The following BDH2 variants were observed in gnomAD, a reference collection of about 807,000 sequenced individuals.
BDH2 encodes dehydrogenase/reductase SDR family member 6.
Under a neutral mutation model 33.2 loss-of-function variants are expected in BDH2, and 24 were observed. The observed-to-expected ratio is 0.72, with a 90% CI of 0.52 to 1.02. BDH2 has a LOEUF of 1.02. BDH2 is among the 50% of genes least tolerant of loss of function. The pLI is 0.00. For synonymous variants in BDH2, 81 were observed against 101.6 expected (o/e 0.80, Z 1.22); for missense variants, 249 against 301.6 (o/e 0.83, Z 1.29).
chr4:103,088,608 T>C (rs994384593), intron 5 of BDH2, among the ~76,000 whole-genome samples: 2 of 152,154 alleles, frequency 1.3e-5, no homozygotes, highest in African/African-American at 4.8e-5. Context: ...GGCATGACTA[T>C]AAAGTCAAGT....
Position 103,079,685 on chromosome 4 carries a change from C to T in BDH2, c.*17G>A. 5.6e-6 allele frequency: 9 copies of T among 1,612,788 alleles called. No homozygotes were observed. The highest frequency in any genetic ancestry group is 1.1e-5 in the South Asian group (1 of 91,036). On this transcript the variant is annotated 3_prime_UTR_variant, in exon 10 of 10. Coordinates refer to ENST00000296424, the MANE Select transcript of BDH2 (RefSeq NM_020139.4). Reference sequence around the variant, plus strand: ...TAGGAAGGGCCTGCCTTCCTTCCCACCATGGAGATCCTAAAATCACAAGCT... The same window carrying T: ...TAGGAAGGGCCTGCCTTCCTTCCCATCATGGAGATCCTAAAATCACAAGCT...
rs964513187 is a variant in BDH2 at position 103,091,245 on chromosome 4, C to T, written c.289G>A (p.Asp97Asn). ...HGTVLDCEEK[D>N]WDFSMNLNVR... ...TTGAGATTCATCGAGAAGTCCCAGT[C>T]TTTCTCCTCACAATCCAGGACAGTT... The change falls in exon 5 of 10, where the codon GAC becomes AAC. Residue 97 changes from aspartate to asparagine, a missense_variant. Coordinates refer to ENST00000296424, the MANE Select transcript of BDH2 (RefSeq NM_020139.4). 8.7e-6 allele frequency: 14 copies of T among 1,613,492 alleles called. No individual in the cohort carries two copies. Among genetic ancestry groups the T allele is most frequent in the Non-Finnish European group, 1.2e-5 (14 of 1,179,752 alleles).
chr4:103,092,726 TA>T, intron 3 of BDH2, 30 bp from the exon 4 acceptor site: 1 of 1,482,118 alleles, frequency 6.7e-7, no homozygotes, highest in Non-Finnish European at 9.4e-7. Flanking sequence ...GCACTATTCC[TA>T]AAAATGTTTA....
intron 9 of BDH2, among the ~76,000 whole-genome samples, chr4:103,081,555 C>A (rs1022403118): frequency 6.6e-6 from 1 of 152,194 alleles, no homozygotes; most frequent in Non-Finnish European, 1.5e-5. Context: ...CTCGACCTCC[C>A]AAAGTGCTGG....
At chr4:103,085,597 T>G in intron 6 of BDH2, 135 bp from the exon 7 acceptor site, 1 of 1,444,398 alleles carries the variant, frequency 6.9e-7, no homozygotes, top group Non-Finnish European at 9.4e-7. Context: ...AAAAGATTGA[T>G]ATCAGATTTT....
Position 103,079,678 on chromosome 4 carries a change from C to T in BDH2, c.*24G>A, listed in dbSNP as rs1747412728. 6.2e-7 allele frequency: 1 copy of T among 1,611,482 alleles called. No homozygotes were observed. Among genetic ancestry groups the T allele is most frequent in the Admixed American group, 1.7e-5 (1 of 59,982 alleles). Reference sequence around the variant, plus strand: ...CTGTGGATAGGAAGGGCCTGCCTTCCTTCCCACCATGGAGATCCTAAAATC... The same window carrying T: ...CTGTGGATAGGAAGGGCCTGCCTTCTTTCCCACCATGGAGATCCTAAAATC... On this transcript the variant is annotated 3_prime_UTR_variant, in exon 10 of 10. Coordinates refer to ENST00000296424, the MANE Select transcript of BDH2 (RefSeq NM_020139.4).
At position 103,082,151 on chromosome 4, in the gene BDH2, C is replaced by G. The variant is rs1747555819; in HGVS notation, c.614G>C (p.Arg205Thr). 2 of 1,614,096 alleles carry G rather than the reference C, an allele frequency of 1.2e-6. No homozygotes were observed. The highest frequency in any genetic ancestry group is 1.7e-6 in the Non-Finnish European group (2 of 1,179,976). Residue 205 changes from arginine to threonine, a missense_variant, in exon 9 of 10, where the codon AGA (arginine) becomes ACA (threonine). By Grantham distance (71) the Arg-to-Thr change is moderately conservative (BLOSUM62 -1). Coordinates refer to ENST00000296424, the MANE Select transcript of BDH2 (RefSeq NM_020139.4). ...PEEARNDFLK[R>T]QKTGRFATAE... Reference sequence around the variant, plus strand: ...AGTTGCGAATCTTCCCGTCTTTTGTCTCTTCAGGAAATCATTCCGTGCCTG... The same window carrying G: ...AGTTGCGAATCTTCCCGTCTTTTGTGTCTTCAGGAAATCATTCCGTGCCTG...
chr4:103,079,451 T>G lies in BDH2; in HGVS notation c.*251A>C. 2.2e-6 allele frequency: 1 copy of G among 448,010 alleles called. No individual in the cohort carries two copies. The highest frequency in any genetic ancestry group is 4.0e-6 in the Non-Finnish European group (1 of 249,668). The allele number at this position is 448,010 out of a possible 1,614,324, so 27.8% of individuals were successfully genotyped here. A position where few individuals can be genotyped will look rare whatever the true frequency, so the allele number is the denominator to read the frequency against. On this transcript the variant is annotated 3_prime_UTR_variant, in exon 10 of 10. Transcript: ENST00000296424. ...TAAGACAGATGCTAACAAATCGAGATTTATTTTAAAAACTATTCTCCTGCT... is the reference window on the plus strand; with the variant it reads ...TAAGACAGATGCTAACAAATCGAGAGTTATTTTAAAAACTATTCTCCTGCT...
rs1747394701 is a variant in BDH2, at chr4:103,079,218, A to G, written c.*484T>C. 6.6e-6 allele frequency among the ~76,000 whole-genome samples: 1 copy of G among 152,172 alleles called. No individual in the cohort carries two copies. On this transcript the variant is annotated 3_prime_UTR_variant, in exon 10 of 10. Coordinates refer to ENST00000296424, the MANE Select transcript of BDH2 (RefSeq NM_020139.4). ...AGGATTAGTGTCCTTATAAAAAGAC[A>G]CATGAGCGCTCGCTTTTTTTCTCTG...
At chr4:103,081,966 G>A (rs1007651275) in intron 9 of BDH2, 115 bp downstream of exon 9, 4 of 768,670 alleles carry the variant, frequency 5.2e-6, no homozygotes, top group African/African-American at 5.2e-5. Context: ...TCTTATAAAT[G>A]TAGCATCTTA....
At chr4:103,088,486 C>T (rs1747910286) in intron 5 of BDH2, among the ~76,000 whole-genome samples, 1 of 143,582 alleles carries the variant, frequency 7.0e-6, no homozygotes, top group African/African-American at 2.7e-5. Flanking sequence ...TCTGCTGCTT[C>T]TAGAGCCCCT....
At chr4:103,084,299 C>T (rs574039933) in intron 7 of BDH2, among the ~76,000 whole-genome samples, 1 of 152,252 alleles carries the variant, frequency 6.6e-6, no homozygotes, top group South Asian at 2.1e-4. Context: ...TTAGAGTATT[C>T]CAATGTCACT....
At chr4:103,095,752 C>T (rs896749773) in intron 2 of BDH2, among the ~76,000 whole-genome samples, 14 of 152,048 alleles carry the variant, frequency 9.2e-5, no homozygotes, top group African/African-American at 1.9e-4. Flanking sequence ...CTTAAGGTGC[C>T]GATATTAGCT....
rs1203091284 is a variant in BDH2 at position 103,091,294 on chromosome 4, G to C, written c.249-9C>G. Reference sequence around the variant, plus strand: ...TTCCATGATGGACAAAACTAGAAGAGTGATTAAACAATGGAAGAATAACTG... The same window carrying C: ...TTCCATGATGGACAAAACTAGAAGACTGATTAAACAATGGAAGAATAACTG... On this transcript the variant is annotated splice_polypyrimidine_tract_variant and intron_variant, in intron 4 of 9. Transcript: ENST00000296424. The C allele has an allele frequency of 6.4e-7, 1 of 1,572,358 alleles. No individual in the cohort carries two copies.
At chr4:103,095,846 T>A (rs1307625540) in intron 2 of BDH2, among the ~76,000 whole-genome samples, 1 of 152,208 alleles carries the variant, frequency 6.6e-6, no homozygotes, top group Non-Finnish European at 1.5e-5. Flanking sequence ...GTCATATATC[T>A]AAACTGACAC....
In BDH2 at chr4:103,078,013, T is replaced by G. The variant is rs1390339927; in HGVS notation, c.*1689A>C. Among the ~76,000 whole-genome samples, 3 of 152,200 alleles carry G rather than the reference T, an allele frequency of 2.0e-5. No individual in the cohort carries two copies. Among genetic ancestry groups the G allele is most frequent in the Admixed American group, 6.5e-5 (1 of 15,282 alleles). On this transcript the variant is annotated 3_prime_UTR_variant, in exon 10 of 10. Transcript: ENST00000296424. ...TACCGTCATCAACTGCATGATATTC[T>G]TCCCCATACACAAAGTGTTATCTTT...
chr4:103,082,383 A>G (rs1449456009), intron 8 of BDH2, among the ~76,000 whole-genome samples: 2 of 152,194 alleles, frequency 1.3e-5, no homozygotes, highest in African/African-American at 4.8e-5. Context: ...TCAGAAAGCT[A>G]ATGTTAAAGG....
intron 4 of BDH2, chr4:103,091,559 C>T (rs1194028480): frequency 7.7e-6 from 3 of 389,482 alleles, no homozygotes; most frequent in East Asian, 1.3e-4. Context: ...CTGGAAACAT[C>T]AATGCCATTA....
In BDH2 at chr4:103,087,287, C is replaced by G. The variant is rs139015610; in HGVS notation, c.358-747G>C. Among the ~76,000 whole-genome samples the G allele has an allele frequency of 2.8e-4, 43 of 152,200 alleles. No homozygotes were observed. In the East Asian group the frequency reaches 7.7e-3, roughly 27 times the overall value. Reference sequence around the variant, plus strand: ...AGGTCAACAAGGGCTGAATTTAGAACCTGGGTTTTACCCTGAAGGTGATGC... The same window carrying G: ...AGGTCAACAAGGGCTGAATTTAGAAGCTGGGTTTTACCCTGAAGGTGATGC... On this transcript the variant is annotated intron_variant, in intron 5 of 9. Coordinates refer to ENST00000296424, the MANE Select transcript of BDH2 (RefSeq NM_020139.4).
Sources: gnomAD v4.1 joint callset for allele counts (sites outside exome capture counted in the v4.1 genomes callset) on GRCh38, gnomAD v4.1.1 for gene constraint, MANE v1.5 for transcripts, NCBI Gene and HGNC (gene_info 2026-07-23, HGNC 2026-07-21) for gene names.